CDH12: variants seen among roughly 807,000 people sequenced by gnomAD.
CDH12 encodes the protein cadherin 12.
Under a neutral mutation model 74.1 loss-of-function variants are expected in CDH12, and 41 were observed. The observed-to-expected ratio is 0.55, with a 90% CI of 0.43 to 0.72. The LOEUF is 0.72. Among genes scored for constraint, CDH12 ranks in the 30% least tolerant of loss-of-function variants. The pLI, the probability that CDH12 is intolerant of heterozygous loss-of-function variation, is 0.00. For synonymous variants in CDH12, 399 were observed against 355.0 expected, an observed-to-expected ratio of 1.12 and a Z score of -1.39; for missense variants, 945 against 977.2, an observed-to-expected ratio of 0.97 and a Z score of 0.44.
At chr5:22,054,424 G>A (rs1451786496) in intron 5 of CDH12, among the ~76,000 whole-genome samples, 1 of 151,790 alleles carries the variant, frequency 6.6e-6, no homozygotes, top group African/African-American at 2.4e-5. Context: ...TTTAGTTTCG[G>A]CCTTCTAAGA....
At chr5:22,689,436 T>C (rs1181645325) in intron 1 of CDH12, among the ~76,000 whole-genome samples, 1 of 152,136 alleles carries the variant, frequency 6.6e-6, no homozygotes, top group Non-Finnish European at 1.5e-5. Flanking sequence ...ATATACAGGG[T>C]ACATCTTTGA....
chr5:22,332,726 C>T (rs778986313), intron 3 of CDH12, among the ~76,000 whole-genome samples: 1 of 152,122 alleles, frequency 6.6e-6, no homozygotes, highest in Non-Finnish European at 1.5e-5. Context: ...AGCTCAACAT[C>T]AATGATCATT....
intron 9 of CDH12, among the ~76,000 whole-genome samples, chr5:21,807,032 A>G (rs2149930966): frequency 6.6e-6 from 1 of 152,238 alleles, no homozygotes; most frequent in Admixed American, 6.5e-5. Flanking sequence ...ACTGCTCACA[A>G]ATCATGTGAA....
chr5:22,082,071 C>A (rs1179246162), intron 4 of CDH12, among the ~76,000 whole-genome samples: 3 of 152,172 alleles, frequency 2.0e-5, no homozygotes, highest in African/African-American at 7.2e-5. Flanking sequence ...ATGTCTTCCA[C>A]CCACAAATTT....
intron 1 of CDH12, among the ~76,000 whole-genome samples, chr5:22,833,555 T>C (rs1736706641): frequency 6.6e-6 from 1 of 152,194 alleles, no homozygotes; most frequent in Admixed American, 6.5e-5. Flanking sequence ...TATCAAGAAC[T>C]TGCAAAATAA....
intron 5 of CDH12, among the ~76,000 whole-genome samples, chr5:21,985,922 G>A (rs16900642): frequency 0.032 from 4,812 of 152,130 alleles, 241 homozygotes; most frequent in African/African-American, 0.11. Context: ...CAAAGCCACC[G>A]AATGCCCAAG....
intron 4 of CDH12, among the ~76,000 whole-genome samples, chr5:22,205,560 A>G (rs992378615): frequency 6.6e-6 from 1 of 152,164 alleles, no homozygotes; most frequent in Non-Finnish European, 1.5e-5. Context: ...GATTTTAGCA[A>G]TAAGAAAGAA....
chr5:22,107,822 A>AT (rs1340619510), intron 4 of CDH12, among the ~76,000 whole-genome samples: 1 of 152,110 alleles, frequency 6.6e-6, no homozygotes. Context: ...TTATCATTAT[A>AT]TTTTTTGTTG....
intron 2 of CDH12, among the ~76,000 whole-genome samples, chr5:22,502,211 G>T (rs1048639514): frequency 1.3e-5 from 2 of 152,102 alleles, no homozygotes; most frequent in Non-Finnish European, 2.9e-5. Context: ...GAATCATGGG[G>T]TGGGTCTTTC....
chr5:22,334,730 A>T (rs1739501337), intron 3 of CDH12, among the ~76,000 whole-genome samples: 1 of 152,202 alleles, frequency 6.6e-6, no homozygotes, highest in South Asian at 2.1e-4. Flanking sequence ...AACAAAGGTG[A>T]CAAGAACATA....
chr5:22,359,568 C>A (rs1258221742), intron 3 of CDH12, among the ~76,000 whole-genome samples: 1 of 152,166 alleles, frequency 6.6e-6, no homozygotes, highest in Non-Finnish European at 1.5e-5. Flanking sequence ...CTCGGCTCTG[C>A]ACCAAGTGGA....
At chr5:22,064,612 A>G (rs1741434036) in intron 5 of CDH12, among the ~76,000 whole-genome samples, 1 of 152,174 alleles carries the variant, frequency 6.6e-6, no homozygotes, top group Non-Finnish European at 1.5e-5. Flanking sequence ...AAGTCTTGCA[A>G]GAGCGAAGCA....
At chr5:22,351,458 C>G (rs971283080) in intron 3 of CDH12, among the ~76,000 whole-genome samples, 3 of 152,078 alleles carry the variant, frequency 2.0e-5, no homozygotes, top group African/African-American at 7.2e-5. Flanking sequence ...TATTACAATG[C>G]CTCAGGCCCA....
chr5:21,943,029 C>G (rs1299069269), intron 6 of CDH12, among the ~76,000 whole-genome samples: 2 of 152,084 alleles, frequency 1.3e-5, no homozygotes, highest in Non-Finnish European at 2.9e-5. Context: ...TGAATGAGTT[C>G]TCATGAGATC....
chr5:21,990,121 A>G lies in CDH12; in HGVS notation c.232-14736T>C, dbSNP rs572961877. ...GTCGAAGTTTTCTTTTCACAGGGATATGAAATTAGACACAATCACACCATA... is the reference window on the plus strand; with the variant it reads ...GTCGAAGTTTTCTTTTCACAGGGATGTGAAATTAGACACAATCACACCATA... On this transcript the variant is annotated intron_variant, in intron 5 of 14. Coordinates refer to ENST00000382254, the MANE Select transcript of CDH12 (RefSeq NM_004061.5). 5.7e-4 allele frequency among the ~76,000 whole-genome samples: 87 copies of G among 152,308 alleles called. 1 individual carries two copies. The highest frequency in any genetic ancestry group is 1.9e-3 in the African/African-American group (79 of 41,576).
chr5:22,054,453 G>A (rs1740598955), intron 5 of CDH12, among the ~76,000 whole-genome samples: 1 of 151,752 alleles, frequency 6.6e-6, no homozygotes, highest in Non-Finnish European at 1.5e-5. Context: ...ATCTACCTTT[G>A]GGTCAGGCTT....
At chr5:22,443,860 C>T (rs1035301046) in intron 2 of CDH12, among the ~76,000 whole-genome samples, 3 of 152,006 alleles carry the variant, frequency 2.0e-5, no homozygotes, top group African/African-American at 7.2e-5. Context: ...TGCACACACA[C>T]ATAAAGCATA....
intron 1 of CDH12, among the ~76,000 whole-genome samples, chr5:22,659,993 C>T (rs1580860839): frequency 6.6e-6 from 1 of 152,008 alleles, no homozygotes; most frequent in African/African-American, 2.4e-5. Context: ...TACTTTATTA[C>T]TGGCTAGGAT....
At chr5:22,792,937 A>G (rs984734232) in intron 1 of CDH12, among the ~76,000 whole-genome samples, 5 of 152,218 alleles carry the variant, frequency 3.3e-5, no homozygotes, top group Admixed American at 3.3e-4. Flanking sequence ...GGTACCTCCT[A>G]GGTCCTCAAG....
Sources: gnomAD v4.1 joint callset for allele counts (sites outside exome capture counted in the v4.1 genomes callset) on GRCh38, gnomAD v4.1.1 for gene constraint, MANE v1.5 for transcripts, NCBI Gene and HGNC (gene_info 2026-07-23, HGNC 2026-07-21) for gene names.